The following SHISA6 variants were observed in gnomAD, a reference collection of about 807,000 sequenced individuals.
The protein encoded by SHISA6 is shisa family member 6, also known as protein shisa-6.
Under a neutral mutation model 47.9 loss-of-function variants are expected in SHISA6, and 22 were observed. That is an observed-to-expected ratio of 0.46 (90% CI 0.33 to 0.66). The LOEUF is 0.66. Among genes scored for constraint, SHISA6 ranks in the 30% least tolerant of loss-of-function variants. The pLI, the probability that SHISA6 is intolerant of heterozygous loss-of-function variation, is 0.02. For synonymous variants in SHISA6, 388 were observed against 337.8 expected, an observed-to-expected ratio of 1.15 and a Z score of -1.63; for missense variants, 680 against 764.6, an observed-to-expected ratio of 0.89 and a Z score of 1.30.
chr17:11,445,797 G>T (rs1012738006), intron 3 of SHISA6, among the ~76,000 whole-genome samples: 2 of 152,164 alleles, frequency 1.3e-5, no homozygotes, highest in African/African-American at 4.8e-5. Flanking sequence ...CCACAAGTGG[G>T]CAAGAGATCA....
intron 3 of SHISA6, among the ~76,000 whole-genome samples, chr17:11,528,124 G>A (rs2071701875): frequency 1.3e-5 from 2 of 152,064 alleles, no homozygotes; most frequent in South Asian, 4.1e-4. Flanking sequence ...GCCTTCATTT[G>A]TTTTTGGCTA....
At chr17:11,362,757 C>T (rs552245343) in intron 2 of SHISA6, among the ~76,000 whole-genome samples, 4 of 152,288 alleles carry the variant, frequency 2.6e-5, no homozygotes, top group South Asian at 4.1e-4. Context: ...TGCAGTCTAG[C>T]GCCATATCCA....
intron 2 of SHISA6, among the ~76,000 whole-genome samples, chr17:11,319,819 G>A (rs1398424129): frequency 6.6e-6 from 1 of 152,200 alleles, no homozygotes; most frequent in Non-Finnish European, 1.5e-5. Context: ...ATAGGTTTCT[G>A]TTCTTTTCCT....
chr17:11,315,089 A>T (rs1186249993), intron 2 of SHISA6, among the ~76,000 whole-genome samples: 1 of 152,156 alleles, frequency 6.6e-6, no homozygotes, highest in East Asian at 1.9e-4. Context: ...GAGTTTTCAT[A>T]TCCAGAAATA....
At chr17:11,251,656 C>A (rs1907816079) in intron 1 of SHISA6, among the ~76,000 whole-genome samples, 2 of 152,156 alleles carry the variant, frequency 1.3e-5, no homozygotes, top group Non-Finnish European at 2.9e-5. Flanking sequence ...TAGCATCGTG[C>A]ATGCAAGACA....
chr17:11,329,638 TGG>T lies in SHISA6; in HGVS notation c.800-49774_800-49773del, dbSNP rs1029060117. ...GTAAGGGTAGAGTTTGGAAGAGCCTTGGGAACAAATATACTGGGCATTACAGC... is the reference window on the plus strand; with the variant it reads ...GTAAGGGTAGAGTTTGGAAGAGCCTTGAACAAATATACTGGGCATTACAGC... On this transcript the variant is annotated intron_variant, in intron 2 of 5. Coordinates refer to ENST00000441885, the MANE Select transcript of SHISA6 (RefSeq NM_207386.4). Among the ~76,000 whole-genome samples the T allele has an allele frequency of 5.3e-4, 81 of 152,100 alleles. 1 individual carries two copies. The highest frequency in any genetic ancestry group is 2.1e-4 in the Non-Finnish European group (14 of 68,028).
At chr17:11,469,246 A>G (rs574566752) in intron 3 of SHISA6, among the ~76,000 whole-genome samples, 6 of 152,236 alleles carry the variant, frequency 3.9e-5, no homozygotes, top group South Asian at 2.1e-4. Context: ...GGCAGGCTCA[A>G]TGTCATCACA....
At chr17:11,417,509 A>G (rs552806423) in intron 3 of SHISA6, among the ~76,000 whole-genome samples, 27 of 152,348 alleles carry the variant, frequency 1.8e-4, no homozygotes, top group Non-Finnish European at 3.2e-4. Flanking sequence ...CACAGTGGAC[A>G]TTCTCCAGGA....
At chr17:11,508,350 A>AACACAGGTCCATAAAGAAAGAAGTATCT (rs1555540979) in intron 3 of SHISA6, among the ~76,000 whole-genome samples, 1 of 144,554 alleles carries the variant, frequency 6.9e-6, no homozygotes, top group East Asian at 2.2e-4. Context: ...AGAAGACAGA[A>AACACAGGTCCATAAAGAAAGAAGTATCT]GGGTAAAAAG....
At chr17:11,382,927 CCTTT>C (rs1913063748) in intron 3 of SHISA6, among the ~76,000 whole-genome samples, 1 of 128,316 alleles carries the variant, frequency 7.8e-6, no homozygotes, top group Non-Finnish European at 1.6e-5. Flanking sequence ...GTCCTGTCAG[CCTTT>C]TTTTTTTTTT....
chr17:11,388,788 GTTTATATATATATATATATATATATA>G (rs1567592056), intron 3 of SHISA6, among the ~76,000 whole-genome samples: 3 of 49,078 alleles, frequency 6.1e-5, no homozygotes, highest in South Asian at 1.5e-3. Flanking sequence ...TCAAACAAAA[GTTTATATATATATATATATATATATA>G]TATATATATA....
intron 3 of SHISA6, among the ~76,000 whole-genome samples, chr17:11,383,216 G>A (rs1319479317): frequency 6.6e-6 from 1 of 152,120 alleles, no homozygotes; most frequent in Admixed American, 6.5e-5. Flanking sequence ...AGGATTACAG[G>A]CATGAGCCAC....
intron 3 of SHISA6, among the ~76,000 whole-genome samples, chr17:11,412,517 A>G (rs1292723709): frequency 6.6e-6 from 1 of 151,382 alleles, no homozygotes; most frequent in East Asian, 1.9e-4. Context: ...GAAATGAAGC[A>G]TGGTTGTGAA....
intron 3 of SHISA6, among the ~76,000 whole-genome samples, chr17:11,548,413 A>G (rs1270615370): frequency 6.7e-6 from 1 of 150,256 alleles, no homozygotes; most frequent in African/African-American, 2.5e-5. Flanking sequence ...CACAAAAAAT[A>G]CAAATGTTAT....
At chr17:11,460,364 G>A (rs540705704) in intron 3 of SHISA6, among the ~76,000 whole-genome samples, 3 of 152,250 alleles carry the variant, frequency 2.0e-5, no homozygotes, top group African/African-American at 7.2e-5. Context: ...ATATCTAGGA[G>A]TTGGAAAAGA....
At chr17:11,332,180 A>C (rs966507946) in intron 2 of SHISA6, among the ~76,000 whole-genome samples, 1 of 151,896 alleles carries the variant, frequency 6.6e-6, no homozygotes, top group Non-Finnish European at 1.5e-5. Context: ...AAGACAAGTG[A>C]GCGTCCTAAT....
intron 2 of SHISA6, among the ~76,000 whole-genome samples, chr17:11,339,227 G>A (rs574195400): frequency 6.5e-4 from 98 of 150,934 alleles, no homozygotes; most frequent in African/African-American, 2.3e-3. Context: ...TATATGTGAT[G>A]TTGTCAACTT....
At chr17:11,488,616 T>C (rs1203538908) in intron 3 of SHISA6, among the ~76,000 whole-genome samples, 1 of 152,254 alleles carries the variant, frequency 6.6e-6, no homozygotes, top group Non-Finnish European at 1.5e-5. Flanking sequence ...GATCTATTTC[T>C]GTCCATCTCT....
At chr17:11,438,363 C>A (rs1223917827) in intron 3 of SHISA6, among the ~76,000 whole-genome samples, 1 of 152,100 alleles carries the variant, frequency 6.6e-6, no homozygotes, top group Admixed American at 6.6e-5. Flanking sequence ...AGACTGGGCA[C>A]AAAATAACAC....
Sources: allele counts gnomAD v4.1 joint callset (sites outside exome capture counted in the v4.1 genomes callset), GRCh38; gene constraint gnomAD v4.1.1; transcripts MANE v1.5; gene names NCBI Gene and HGNC (gene_info 2026-07-23, HGNC 2026-07-21).